AUTS2: variants seen among roughly 807,000 people sequenced by gnomAD.
AUTS2 encodes the protein autism susceptibility gene 2 protein.
A neutral mutation model predicts 112.4 loss-of-function variants in AUTS2; 17 were observed. The observed-to-expected ratio is 0.15, with a 90% CI of 0.10 to 0.23. The LOEUF (loss-of-function observed/expected upper bound fraction) is 0.23. AUTS2 is among the 10% of genes least tolerant of loss of function. AUTS2 has a pLI of 1.00. For missense variants in AUTS2, 1,510 were observed against 1,701.6 expected (o/e 0.89, Z 1.98); for synonymous variants, 751 against 702.7 (o/e 1.07, Z -1.09).
chr7:70,179,698 G>A (rs1200120637), intron 4 of AUTS2, among the ~76,000 whole-genome samples: 1 of 152,152 alleles, frequency 6.6e-6, no homozygotes, highest in Admixed American at 6.5e-5. Flanking sequence ...TGATCTCTAA[G>A]GTTAGTATAA....
intron 2 of AUTS2, among the ~76,000 whole-genome samples, chr7:70,032,028 T>G (rs531413870): frequency 6.6e-6 from 1 of 152,266 alleles, no homozygotes; most frequent in Non-Finnish European, 1.5e-5. Context: ...AGTATAGTAG[T>G]CGGGGTTAAC....
At chr7:70,542,157 GCT>G (rs1406022900) in intron 5 of AUTS2, among the ~76,000 whole-genome samples, 1 of 152,026 alleles carries the variant, frequency 6.6e-6, no homozygotes, top group Non-Finnish European at 1.5e-5. Flanking sequence ...CTATGTCATT[GCT>G]CAAGTTTACC....
intron 5 of AUTS2, among the ~76,000 whole-genome samples, chr7:70,662,000 A>G (rs1261992306): frequency 6.6e-6 from 1 of 152,142 alleles, no homozygotes; most frequent in Non-Finnish European, 1.5e-5. Context: ...CAGTTCCACC[A>G]GGTATTGGCC....
chr7:69,970,517 C>T (rs1254773301), intron 2 of AUTS2, among the ~76,000 whole-genome samples: 1 of 152,130 alleles, frequency 6.6e-6, no homozygotes, highest in African/African-American at 2.4e-5. Flanking sequence ...CATCTTTGTT[C>T]CCAAAGGAGC....
chr7:70,561,596 T>C (rs1346642929), intron 5 of AUTS2, among the ~76,000 whole-genome samples: 2 of 152,168 alleles, frequency 1.3e-5, no homozygotes, highest in African/African-American at 4.8e-5. Context: ...CATTCCAGCC[T>C]GAGCAACAGT....
chr7:70,128,098 G>A (rs899739019), intron 3 of AUTS2, among the ~76,000 whole-genome samples: 2 of 152,074 alleles, frequency 1.3e-5, no homozygotes, highest in African/African-American at 4.8e-5. Flanking sequence ...ACCTGACAAG[G>A]ATTCTTGGTG....
chr7:70,785,846 G>A (rs139882942), intron 16 of AUTS2, 109 bp from the exon 17 acceptor site: 5 of 973,846 alleles, frequency 5.1e-6, no homozygotes, highest in Non-Finnish European at 8.0e-6. Context: ...CAGGCCAGGT[G>A]GGGGCGTAGA....
chr7:70,329,205 C>T (rs541257308), intron 4 of AUTS2, among the ~76,000 whole-genome samples: 1 of 152,094 alleles, frequency 6.6e-6, no homozygotes, highest in Non-Finnish European at 1.5e-5. Flanking sequence ...GCTGTTTATA[C>T]CTTTTGGCTA....
chr7:69,851,546 G>A (rs1025397556), intron 1 of AUTS2, among the ~76,000 whole-genome samples: 2 of 152,114 alleles, frequency 1.3e-5, no homozygotes, highest in African/African-American at 4.8e-5. Flanking sequence ...CACTGCGCCT[G>A]GCCCATATGT....
At chr7:70,786,596 C>T (rs1019540006) in intron 17 of AUTS2, among the ~76,000 whole-genome samples, 1 of 152,162 alleles carries the variant, frequency 6.6e-6, no homozygotes, top group African/African-American at 2.4e-5. Context: ...CCCCATCTCA[C>T]GTTCTAAACA....
Position 70,766,582 on chromosome 7 carries a change from C to T in AUTS2, c.1689+248C>T, listed in dbSNP as rs948332455. On this transcript the variant is annotated intron_variant, in intron 9 of 18. Coordinates refer to ENST00000342771, the MANE Select transcript of AUTS2 (RefSeq NM_015570.4). The surrounding 1 kb of genome is among the most constrained non-coding windows in gnomAD (Gnocchi z 4.8). ...GGGCGGAAATGATTCCATCTGCCCT[C>T]AAAACAGTCATGTCCAGTGTTGATG... Among the ~76,000 whole-genome samples the T allele has an allele frequency of 1.3e-5, 2 of 152,202 alleles. No homozygotes were observed. The highest frequency in any genetic ancestry group is 4.8e-5 in the African/African-American group (2 of 41,448).
chr7:70,733,606 A>G (rs1787588305), intron 6 of AUTS2, among the ~76,000 whole-genome samples: 1 of 122,604 alleles, frequency 8.2e-6, no homozygotes, highest in Non-Finnish European at 1.6e-5. Context: ...GGTTTTTTTG[A>G]GACGGAGTCT....
intron 14 of AUTS2, among the ~76,000 whole-genome samples, chr7:70,779,658 A>G (rs1790937863): frequency 6.6e-6 from 1 of 152,180 alleles, no homozygotes; most frequent in African/African-American, 2.4e-5. Context: ...CAGGGCAAGG[A>G]TCCCTCAGGA....
intron 1 of AUTS2, among the ~76,000 whole-genome samples, chr7:69,849,238 TA>T (rs1338152884): frequency 6.6e-6 from 1 of 152,226 alleles, no homozygotes; most frequent in African/African-American, 2.4e-5. Flanking sequence ...GTTGGCTACT[TA>T]TCTTGTGACC....
intron 15 of AUTS2, chr7:70,784,003 A>G (rs1023396283): frequency 6.6e-5 from 10 of 152,024 alleles, no homozygotes; most frequent in Non-Finnish European, 1.0e-4. Flanking sequence ...AGAAGTACAC[A>G]TTAGGCAAAA....
At chr7:70,417,659 A>T (rs1287538899) in intron 4 of AUTS2, among the ~76,000 whole-genome samples, 1 of 152,170 alleles carries the variant, frequency 6.6e-6, no homozygotes, top group Non-Finnish European at 1.5e-5. Flanking sequence ...GACAGGCGTG[A>T]GCTGCCTTCT....
At chr7:70,345,453 T>G (rs1488637566) in intron 4 of AUTS2, among the ~76,000 whole-genome samples, 1 of 152,164 alleles carries the variant, frequency 6.6e-6, no homozygotes, top group African/African-American at 2.4e-5. Context: ...TGTGGCCTCT[T>G]AAAATCAGCT....
At chr7:70,662,023 T>C (rs938089948) in intron 5 of AUTS2, among the ~76,000 whole-genome samples, 2 of 151,864 alleles carry the variant, frequency 1.3e-5, no homozygotes, top group Non-Finnish European at 2.9e-5. Context: ...GTGGACCAGA[T>C]TGAAAGGGTG....
intron 2 of AUTS2, among the ~76,000 whole-genome samples, chr7:69,924,697 A>G (rs764763493): frequency 6.6e-6 from 1 of 151,992 alleles, no homozygotes; most frequent in Non-Finnish European, 1.5e-5. Context: ...GATTATAGGC[A>G]TGCGCCACCA....
Sources: gnomAD v4.1 joint callset for allele counts (sites outside exome capture counted in the v4.1 genomes callset) on GRCh38, gnomAD v4.1.1 for gene constraint, Gnocchi (gnomAD v3.1) non-coding constraint, MANE v1.5 for transcripts, NCBI Gene and HGNC (gene_info 2026-07-23, HGNC 2026-07-21) for gene names.